The following ERCC6 variants were observed in gnomAD, a reference collection of about 807,000 sequenced individuals.
ERCC6 encodes the protein ERCC excision repair 6, chromatin remodeling factor.
In ERCC6, 116 loss-of-function variants were observed where a neutral mutation model predicts 158.7. The observed-to-expected ratio is 0.73, with a 90% CI of 0.63 to 0.85. The LOEUF (loss-of-function observed/expected upper bound fraction) is 0.85, where lower values mean the gene tolerates loss of function less well. Among genes scored for constraint, ERCC6 ranks in the 40% least tolerant of loss-of-function variants. ERCC6 has a pLI of 0.00. For missense variants in ERCC6, 1,698 were observed against 1,799.4 expected (o/e 0.94, Z 1.02); for synonymous variants, 678 against 659.3 (o/e 1.03, Z -0.43).
At position 49,524,130 on chromosome 10, in the gene ERCC6, C is replaced by T. The variant is rs1238372734; in HGVS notation, c.1300G>A (p.Ala434Thr). 4 of 1,614,080 alleles carry T rather than the reference C, an allele frequency of 2.5e-6. No homozygotes were observed. The highest frequency in any genetic ancestry group is 1.7e-5 in the Admixed American group (1 of 60,012). Reference sequence around the variant, plus strand: ...CCTTCTCCTACAGAAGCAGCTTCAGCTTCTTCCCCAGAACTTGGGAAAAAG... The same window carrying T: ...CCTTCTCCTACAGAAGCAGCTTCAGTTTCTTCCCCAGAACTTGGGAAAAAG... ...DDFFPSSGEE[A>T]EAASVGEGGG... is the part of the protein sequence containing the mutation. The change falls in exon 5 of 21, where the codon GCT (alanine) becomes ACT (threonine). Residue 434 changes from alanine to threonine, a missense_variant. Physicochemically the swap from Ala to Thr is moderately conservative, Grantham distance 58. Transcript: ENST00000355832.
At position 49,471,088 on chromosome 10, in the gene ERCC6, ACT is replaced by A; in HGVS notation, c.2955_2956del (p.Arg985SerfsTer15). The A allele has an allele frequency of 6.2e-7, 1 of 1,613,962 alleles. No homozygotes were observed. Among genetic ancestry groups the A allele is most frequent in the African/African-American group, 1.3e-5 (1 of 75,006 alleles). Reference sequence around the variant, plus strand: ...CCGCCTTTGTTTTGGGTCTTTTAGCACTCTATTTGTCAAAAACTGCTTGAAGA... The same window carrying A: ...CCGCCTTTGTTTTGGGTCTTTTAGCACTATTTGTCAAAAACTGCTTGAAGA... On this transcript the variant is annotated frameshift_variant, in exon 17 of 21. Transcript: ENST00000355832. LOFTEE classifies it high-confidence loss of function.
intron 8 of ERCC6, among the ~76,000 whole-genome samples, chr10:49,484,446 A>C (rs541782699): frequency 2.0e-4 from 30 of 152,062 alleles, no homozygotes; most frequent in African/African-American, 4.8e-4. Flanking sequence ...AATTCCAAAA[A>C]TAAATAAAAA....
chr10:49,533,945 C>A (rs1837531653), intron 1 of ERCC6, among the ~76,000 whole-genome samples: 1 of 151,842 alleles, frequency 6.6e-6, no homozygotes, highest in Non-Finnish European at 1.5e-5. Context: ...ACCAGCCTGG[C>A]AAACATGGTG....
At chr10:49,485,312 G>A (rs764074538) in intron 8 of ERCC6, among the ~76,000 whole-genome samples, 11 of 152,122 alleles carry the variant, frequency 7.2e-5, no homozygotes, top group Admixed American at 1.3e-4. Context: ...AACGGAGAAA[G>A]GCAGCCAAAT....
At chr10:49,513,151 A>C (rs963233470) in intron 5 of ERCC6, among the ~76,000 whole-genome samples, 1 of 152,172 alleles carries the variant, frequency 6.6e-6, no homozygotes, top group Admixed American at 6.5e-5. Context: ...ATCACCCATG[A>C]AGAAGGTACT....
At chr10:49,537,807 C>A (rs1837638288) in intron 1 of ERCC6, among the ~76,000 whole-genome samples, 2 of 152,170 alleles carry the variant, frequency 1.3e-5, no homozygotes, top group Non-Finnish European at 2.9e-5. Context: ...ACTGCAACCT[C>A]CGCCTTCCGG....
At chr10:49,489,603 A>T (rs1193197020) in intron 8 of ERCC6, among the ~76,000 whole-genome samples, 1 of 152,212 alleles carries the variant, frequency 6.6e-6, no homozygotes, top group East Asian at 1.9e-4. Flanking sequence ...TCATGAATTG[A>T]TCAAAACGAA....
Position 49,457,015 on chromosome 10 carries a change from C to T in ERCC6, c.*1800G>A, listed in dbSNP as rs1246538559. ...AGGCTATACCTTGTCTAGCTCAATA[C>T]AGTTTATGTTTCAGACACTATAAGT... On this transcript the variant is annotated 3_prime_UTR_variant, in exon 21 of 21. Coordinates refer to ENST00000355832, the MANE Select transcript of ERCC6 (RefSeq NM_000124.4). 5.3e-5 allele frequency: 8 copies of T among 152,192 alleles called. No individual in the cohort carries two copies. The highest frequency in any genetic ancestry group is 2.1e-4 in the South Asian group (1 of 4,826). 9.4% of individuals were successfully genotyped at this position (152,192 alleles called of 1,614,324 possible).
intron 5 of ERCC6, among the ~76,000 whole-genome samples, chr10:49,515,005 AG>A (rs1432217638): frequency 6.6e-6 from 1 of 152,240 alleles, no homozygotes. Flanking sequence ...TTATGCCCAG[AG>A]CCAAGAATGA....
chr10:49,441,253 G>C, the ERCC6 span, among the ~76,000 whole-genome samples: 1 of 152,340 alleles, frequency 6.6e-6, no homozygotes, highest in East Asian at 1.9e-4. Context: ...TGTTTTCAAA[G>C]TAAGTCACTG....
chr10:49,441,762 G>T, the ERCC6 span, among the ~76,000 whole-genome samples: 111 of 152,326 alleles, frequency 7.3e-4, no homozygotes, highest in South Asian at 0.023. Context: ...TGTGCACAGG[G>T]TTTTCCTGGT....
chr10:49,478,528 CT>C, intron 10 of ERCC6, 58 bp from the exon 11 acceptor site: 1 of 996,376 alleles, frequency 1.0e-6, no homozygotes, highest in Non-Finnish European at 1.6e-6. Context: ...CGCATTTGTT[CT>C]TACCTCTCAA....
rs4253182 is a variant in ERCC6, at chr10:49,477,718, G to A, written c.2286+636C>T. 5.4e-3 allele frequency among the ~76,000 whole-genome samples: 818 copies of A among 152,264 alleles called. 7 individuals carry two copies. Among genetic ancestry groups the A allele is most frequent in the African/African-American group, 0.017 (716 of 41,540 alleles). ...CCCTGACCACACTGGCCTCCCTGCTGTCTATGAAGGCCCCAAAGCACTGCC... is the reference window on the plus strand; with the variant it reads ...CCCTGACCACACTGGCCTCCCTGCTATCTATGAAGGCCCCAAAGCACTGCC... On this transcript the variant is annotated intron_variant, in intron 11 of 20. Coordinates refer to ENST00000355832, the MANE Select transcript of ERCC6 (RefSeq NM_000124.4).
At chr10:49,478,281 G>C in intron 11 of ERCC6, 73 bp downstream of exon 11, 1 of 1,053,370 alleles carries the variant, frequency 9.5e-7, no homozygotes. Context: ...CTCATCCGCA[G>C]AGGAGAATCA....
intron 1 of ERCC6, among the ~76,000 whole-genome samples, chr10:49,535,295 A>ACTGGGATTT (rs1175824941): frequency 6.6e-6 from 1 of 152,220 alleles, no homozygotes; most frequent in Admixed American, 6.5e-5. Context: ...TGCAAATCTG[A>ACTGGGATTT]GCTCAAGGGA....
chr10:49,502,885 C>G (rs1188822391), intron 6 of ERCC6: 1 of 152,274 alleles, frequency 6.6e-6, no homozygotes, highest in Non-Finnish European at 1.5e-5. Flanking sequence ...AGAACAAAAG[C>G]TGGTTCATGA....
At chr10:49,437,054 G>A in the ERCC6 span, among the ~76,000 whole-genome samples, 102 of 152,268 alleles carry the variant, frequency 6.7e-4, no homozygotes, top group African/African-American at 2.4e-3. Flanking sequence ...AATCATGGGG[G>A]GTGGTTTCCC....
At position 49,458,080 on chromosome 10, in the gene ERCC6, A is replaced by G. The variant is rs1342370687; in HGVS notation, c.*735T>C. The G allele has an allele frequency of 2.0e-5, 3 of 151,580 alleles. No homozygotes were observed. Among genetic ancestry groups the G allele is most frequent in the African/African-American group, 7.3e-5 (3 of 40,858 alleles). The allele number at this position is 151,580 out of a possible 1,614,324, so 9.4% of individuals were successfully genotyped here. A position where few individuals can be genotyped will look rare whatever the true frequency, so the allele number is the denominator to read the frequency against. Reference sequence around the variant, plus strand: ...TTTTATGTACCTACTTTTGGCTTTAATTTGATTTTTTTTAATGATAACACA... The same window carrying G: ...TTTTATGTACCTACTTTTGGCTTTAGTTTGATTTTTTTTAATGATAACACA... On this transcript the variant is annotated 3_prime_UTR_variant, in exon 21 of 21. Transcript: ENST00000355832.
the ERCC6 span, among the ~76,000 whole-genome samples, chr10:49,441,938 G>A: frequency 6.6e-6 from 1 of 152,226 alleles, no homozygotes; most frequent in Admixed American, 6.5e-5. Context: ...ACTTCGTCCT[G>A]TGAGTTGAGC....
Sources: allele counts gnomAD v4.1 joint callset (sites outside exome capture counted in the v4.1 genomes callset), GRCh38; gene constraint gnomAD v4.1.1; transcripts MANE v1.5; gene names NCBI Gene and HGNC (gene_info 2026-07-23, HGNC 2026-07-21).